Variants in FTO observed in about 807,000 individuals in gnomAD.
The protein encoded by FTO is FTO alpha-ketoglutarate dependent dioxygenase, also known as alpha-ketoglutarate-dependent dioxygenase FTO.
In FTO, 47 loss-of-function variants were observed where a neutral mutation model predicts 63.9. The ratio of observed to expected loss-of-function variants is 0.74; its 90% CI spans 0.58 to 0.94. The LOEUF (loss-of-function observed/expected upper bound fraction) is 0.94, where lower values mean the gene tolerates loss of function less well. FTO is among the 40% of genes least tolerant of loss of function. The probability of loss-of-function intolerance (pLI) is 0.00; values close to 1 mark genes in which losing one functional copy is unlikely to be tolerated. For synonymous variants in FTO, 207 were observed against 224.4 expected (o/e 0.92, Z 0.69); for missense variants, 562 against 618.1 (o/e 0.91, Z 0.96).
intron 1 of FTO, among the ~76,000 whole-genome samples, chr16:53,745,951 G>T (rs1172485490): frequency 1.5e-5 from 2 of 132,416 alleles, no homozygotes; most frequent in Admixed American, 1.4e-4. Context: ...ATTTATGCTT[G>T]GGTGGTTATA....
intron 2 of FTO, among the ~76,000 whole-genome samples, chr16:53,823,852 T>C (rs2078931792): frequency 6.6e-6 from 1 of 152,020 alleles, no homozygotes; most frequent in Non-Finnish European, 1.5e-5. Flanking sequence ...GCCATTGCAC[T>C]CTAGCCTGGG....
At position 54,112,075 on chromosome 16, in the gene FTO, T is replaced by C. The variant is rs1447250840; in HGVS notation, c.*160T>C. ...GCTAGGAAATGGTGCCCATGAAGTT[T>C]TAAATGTTTTAAAATGACCCTGTGT... On this transcript the variant is annotated 3_prime_UTR_variant, in exon 9 of 9. Transcript: ENST00000471389. 2 of 730,746 alleles carry C rather than the reference T, an allele frequency of 2.7e-6. No homozygotes were observed. Among genetic ancestry groups the C allele is most frequent in the Non-Finnish European group, 4.7e-6 (2 of 426,542 alleles). 45.3% of individuals were successfully genotyped at this position (730,746 alleles called of 1,614,324 possible). A position where few individuals can be genotyped will look rare whatever the true frequency, so the allele number is the denominator to read the frequency against.
intron 4 of FTO, among the ~76,000 whole-genome samples, chr16:53,868,608 G>C (rs1476461556): frequency 2.0e-5 from 3 of 151,830 alleles, no homozygotes; most frequent in African/African-American, 7.3e-5. Flanking sequence ...TTATTATTGT[G>C]AATAAATTGT....
intron 8 of FTO, among the ~76,000 whole-genome samples, chr16:54,090,534 A>G (rs1282033448): frequency 6.6e-6 from 1 of 152,206 alleles, no homozygotes; most frequent in Non-Finnish European, 1.5e-5. Context: ...TTCAAATGGC[A>G]TATTTTTGTT....
At chr16:53,751,013 C>T in intron 1 of FTO, among the ~76,000 whole-genome samples, 1 of 152,214 alleles carries the variant, frequency 6.6e-6, no homozygotes, top group South Asian at 2.1e-4. Context: ...ATTTAATTTT[C>T]ATATTCATCT....
chr16:53,988,845 T>G (rs560000184), intron 8 of FTO, among the ~76,000 whole-genome samples: 1 of 152,334 alleles, frequency 6.6e-6, no homozygotes, highest in South Asian at 2.1e-4. Flanking sequence ...TAAGGGGTTT[T>G]GTTGTTTTTT....
chr16:53,859,455 A>G (rs907907406), intron 4 of FTO, among the ~76,000 whole-genome samples: 1 of 150,582 alleles, frequency 6.6e-6, no homozygotes, highest in Non-Finnish European at 1.5e-5. Flanking sequence ...AAAAATATAT[A>G]TCACTATATA....
chr16:53,759,488 G>A (rs2076996650), intron 1 of FTO, among the ~76,000 whole-genome samples: 1 of 152,082 alleles, frequency 6.6e-6, no homozygotes, highest in Non-Finnish European at 1.5e-5. Flanking sequence ...GAGGTCAAGA[G>A]TTCGAGACCA....
In FTO at chr16:53,888,870, CA is replaced by C; in HGVS notation, c.1160del (p.Asn387IlefsTer27). 1 of 1,613,990 alleles carries C rather than the reference CA, an allele frequency of 6.2e-7. No homozygotes were observed. ...EWLRQFWFQGNRYRKCTDWWC... is the reference protein window; with the variant it reads ...EWLRQFWFQGXRYRKCTDWWC... ...GGCTGAGGCAGTTTTGGTTTCAAGG[CA>C]ATCGATACAGAAAGTGCACTGACTG... is the stretch of plus-strand genomic sequence containing the variant. On this transcript the variant is annotated frameshift_variant, in exon 7 of 9. Coordinates refer to ENST00000471389, the MANE Select transcript of FTO (RefSeq NM_001080432.3). LOFTEE classifies it high-confidence loss of function.
In FTO at chr16:53,735,043, C is replaced by T. The variant is rs78016095; in HGVS notation, c.45+30814C>T. Among the ~76,000 whole-genome samples the T allele has an allele frequency of 8.0e-3, 1,226 of 152,302 alleles. 13 individuals carry two copies. Among genetic ancestry groups the T allele is most frequent in the African/African-American group, 0.028 (1,168 of 41,554 alleles). On this transcript the variant is annotated intron_variant, in intron 1 of 8. Transcript: ENST00000471389. ...ATGATCCATTCCTTGGAACTGGGCTCATGGCTGCCCCTGTTAGCAGGGAAG... is the reference window on the plus strand; with the variant it reads ...ATGATCCATTCCTTGGAACTGGGCTTATGGCTGCCCCTGTTAGCAGGGAAG...
chr16:53,868,936 A>T (rs1325069736), intron 4 of FTO, among the ~76,000 whole-genome samples: 3 of 151,708 alleles, frequency 2.0e-5, no homozygotes, highest in African/African-American at 7.3e-5. Context: ...GGTTCAAGCG[A>T]TTTTCCTGCT....
At chr16:53,752,316 G>A (rs1023269592) in intron 1 of FTO, among the ~76,000 whole-genome samples, 2 of 152,074 alleles carry the variant, frequency 1.3e-5, no homozygotes, top group Admixed American at 6.6e-5. Context: ...ATAGGAGAGG[G>A]ACAGCCTATT....
intron 1 of FTO, among the ~76,000 whole-genome samples, chr16:53,748,441 T>A (rs2151561629): frequency 6.6e-6 from 1 of 152,282 alleles, no homozygotes; most frequent in South Asian, 2.1e-4. Flanking sequence ...TAGAACTATT[T>A]TTTATAGCTA....
chr16:53,783,659 G>T (rs948411971), intron 1 of FTO, among the ~76,000 whole-genome samples: 1 of 148,656 alleles, frequency 6.7e-6, no homozygotes. Context: ...GTGGTGGCAC[G>T]TGCCTATAAT....
intron 8 of FTO, among the ~76,000 whole-genome samples, chr16:53,954,077 T>C (rs116838501): frequency 2.0e-3 from 307 of 152,340 alleles, no homozygotes; most frequent in African/African-American, 6.8e-3. Flanking sequence ...TTGGCCCTAA[T>C]GCTTGGCAAG....
At chr16:53,742,817 G>A (rs2076556377) in intron 1 of FTO, among the ~76,000 whole-genome samples, 1 of 152,162 alleles carries the variant, frequency 6.6e-6, no homozygotes, top group Non-Finnish European at 1.5e-5. Flanking sequence ...CTAGGTTGTT[G>A]AAGGAGCGCT....
intron 8 of FTO, among the ~76,000 whole-genome samples, chr16:53,957,949 A>C (rs2082968298): frequency 6.6e-6 from 1 of 152,264 alleles, no homozygotes; most frequent in Admixed American, 6.5e-5. Context: ...CTATTGTTTA[A>C]ATAGCAGACC....
chr16:53,804,297 G>A (rs1173407937), intron 1 of FTO, among the ~76,000 whole-genome samples: 1 of 152,160 alleles, frequency 6.6e-6, no homozygotes, highest in Non-Finnish European at 1.5e-5. Flanking sequence ...TTTATAGTTT[G>A]CAAAAGGCAC....
intron 7 of FTO, among the ~76,000 whole-genome samples, chr16:53,919,935 G>A (rs1034207833): frequency 1.3e-5 from 2 of 152,028 alleles, no homozygotes; most frequent in Non-Finnish European, 2.9e-5. Context: ...CACCACTAAA[G>A]AATTTATTCA....
Sources: gnomAD v4.1 joint callset for allele counts (sites outside exome capture counted in the v4.1 genomes callset) on GRCh38, gnomAD v4.1.1 for gene constraint, MANE v1.5 for transcripts, NCBI Gene and HGNC (gene_info 2026-07-23, HGNC 2026-07-21) for gene names.